CDC42BPA: variants seen among roughly 807,000 people sequenced by gnomAD.
CDC42BPA encodes the protein CDC42 binding protein kinase alpha, also known as serine/threonine-protein kinase MRCK alpha.
A neutral mutation model predicts 223.5 loss-of-function variants in CDC42BPA; 80 were observed. That is an observed-to-expected ratio of 0.36 (90% CI 0.30 to 0.43). CDC42BPA has a LOEUF of 0.43. CDC42BPA is among the 20% of genes least tolerant of loss of function. The pLI, the probability that CDC42BPA is intolerant of heterozygous loss-of-function variation, is 1.00. For synonymous variants in CDC42BPA, 694 were observed against 718.6 expected, an observed-to-expected ratio of 0.97 and a Z score of 0.55; for missense variants, 1,743 against 2,099.9, an observed-to-expected ratio of 0.83 and a Z score of 3.32.
At chr1:227,276,751 G>T (rs1687143828) in intron 1 of CDC42BPA, among the ~76,000 whole-genome samples, 1 of 152,220 alleles carries the variant, frequency 6.6e-6, no homozygotes, top group South Asian at 2.1e-4. Flanking sequence ...TCTGCCTTGG[G>T]ATGCTGTTAA....
chr1:227,087,631 C>T (rs768973177), intron 16 of CDC42BPA, among the ~76,000 whole-genome samples: 3 of 152,120 alleles, frequency 2.0e-5, no homozygotes, highest in Non-Finnish European at 4.4e-5. Flanking sequence ...ATTGCTATCC[C>T]AACAATATTG....
At chr1:227,079,405 T>C (rs949833617) in intron 17 of CDC42BPA, among the ~76,000 whole-genome samples, 1 of 152,142 alleles carries the variant, frequency 6.6e-6, no homozygotes, top group Non-Finnish European at 1.5e-5. Flanking sequence ...GAACTCATCA[T>C]GCCAGACACT....
At chr1:227,302,328 G>C (rs1691778844) in intron 1 of CDC42BPA, among the ~76,000 whole-genome samples, 1 of 152,090 alleles carries the variant, frequency 6.6e-6, no homozygotes, top group Admixed American at 6.5e-5. Flanking sequence ...TAGCCCACAG[G>C]TTACAGAATT....
intron 5 of CDC42BPA, among the ~76,000 whole-genome samples, chr1:227,169,974 T>C (rs1665799604): frequency 6.6e-6 from 1 of 152,220 alleles, no homozygotes. Context: ...TTAAGTTTTA[T>C]GAATACAGAA....
At chr1:227,247,396 G>A (rs538766919) in intron 2 of CDC42BPA, among the ~76,000 whole-genome samples, 1 of 151,752 alleles carries the variant, frequency 6.6e-6, no homozygotes, top group South Asian at 2.1e-4. Flanking sequence ...TCAGAAGGTT[G>A]AGGCAAGAGA....
At chr1:227,174,631 G>A (rs950667124) in intron 5 of CDC42BPA, among the ~76,000 whole-genome samples, 1 of 152,042 alleles carries the variant, frequency 6.6e-6, no homozygotes, top group East Asian at 1.9e-4. Flanking sequence ...ACATTAAAGA[G>A]ATGAGGTTAA....
chr1:227,273,884 C>T (rs1229756051), intron 1 of CDC42BPA, among the ~76,000 whole-genome samples: 4 of 147,164 alleles, frequency 2.7e-5, no homozygotes, highest in African/African-American at 1.0e-4. Flanking sequence ...CACAAATAAC[C>T]CAAAGCTCTT....
chr1:227,117,505 T>C (rs1418479470), intron 12 of CDC42BPA, among the ~76,000 whole-genome samples: 1 of 151,688 alleles, frequency 6.6e-6, no homozygotes, highest in Non-Finnish European at 1.5e-5. Flanking sequence ...AGAGACTGGG[T>C]CTCATTCTGT....
chr1:227,254,200 A>G (rs549414711), intron 1 of CDC42BPA, 45 bp from the exon 2 acceptor site: 2 of 985,228 alleles, frequency 2.0e-6, no homozygotes, highest in Non-Finnish European at 3.1e-6. Context: ...ATAAAATGTG[A>G]TGCAAATTAG....
At chr1:227,171,575 C>T (rs1270981159) in intron 5 of CDC42BPA, among the ~76,000 whole-genome samples, 1 of 152,064 alleles carries the variant, frequency 6.6e-6, no homozygotes, top group Non-Finnish European at 1.5e-5. Context: ...CGTGACGATG[C>T]CACTACACTC....
chr1:227,315,397 G>A (rs1694209367), intron 1 of CDC42BPA, among the ~76,000 whole-genome samples: 1 of 151,946 alleles, frequency 6.6e-6, no homozygotes, highest in African/African-American at 2.4e-5. Context: ...GGAGGATACA[G>A]TTTTCTCTTT....
chr1:227,135,855 C>CAAAAAAAAAAAAAAAAAA (rs1175091904), intron 10 of CDC42BPA, among the ~76,000 whole-genome samples: 2 of 6,578 alleles, frequency 3.0e-4, no homozygotes, highest in Non-Finnish European at 3.4e-4. Context: ...CTCTGTCTCC[C>CAAAAAAAAAAAAAAAAAA]AAAAAAAAAA....
At chr1:227,164,746 A>T (rs1664737574) in intron 5 of CDC42BPA, among the ~76,000 whole-genome samples, 1 of 152,248 alleles carries the variant, frequency 6.6e-6, no homozygotes, top group Admixed American at 6.5e-5. Flanking sequence ...CTAAATTTTT[A>T]AAAATTCAGA....
chr1:227,160,433 T>C (rs1043039297), intron 6 of CDC42BPA, 110 bp downstream of exon 6: 2 of 768,470 alleles, frequency 2.6e-6, no homozygotes, highest in Non-Finnish European at 4.6e-6. Flanking sequence ...GATAGACAAA[T>C]GGATGGATGG....
intron 5 of CDC42BPA, among the ~76,000 whole-genome samples, chr1:227,177,677 C>T (rs987993286): frequency 1.1e-4 from 17 of 152,108 alleles, no homozygotes; most frequent in African/African-American, 3.9e-4. Context: ...TAACACTATG[C>T]AATTTTTTAT....
chr1:227,162,929 C>CAT (rs1485110806), intron 5 of CDC42BPA, among the ~76,000 whole-genome samples: 15 of 147,628 alleles, frequency 1.0e-4, no homozygotes, highest in African/African-American at 3.8e-4. Flanking sequence ...TGTTTCCAAA[C>CAT]ATATGTGTGT....
At chr1:227,092,028 T>A in intron 15 of CDC42BPA, 37 bp from the exon 16 acceptor site, 1 of 1,145,214 alleles carries the variant, frequency 8.7e-7, no homozygotes, top group South Asian at 1.4e-5. Context: ...AAAAGGGGAA[T>A]TAAAGGTCAT....
At chr1:227,229,136 G>A (rs1476445742) in intron 2 of CDC42BPA, among the ~76,000 whole-genome samples, 3 of 152,036 alleles carry the variant, frequency 2.0e-5, no homozygotes, top group Non-Finnish European at 4.4e-5. Context: ...CCTTCTAAGA[G>A]TTTCATAGTT....
intron 12 of CDC42BPA, among the ~76,000 whole-genome samples, chr1:227,116,255 T>C (rs1381914389): frequency 1.3e-5 from 2 of 152,158 alleles, no homozygotes; most frequent in Non-Finnish European, 2.9e-5. Flanking sequence ...TGGCTTAATA[T>C]TAGAAAAAGT....
Sources: gnomAD v4.1 joint callset for allele counts (sites outside exome capture counted in the v4.1 genomes callset) on GRCh38, gnomAD v4.1.1 for gene constraint, MANE v1.5 for transcripts, NCBI Gene and HGNC (gene_info 2026-07-23, HGNC 2026-07-21) for gene names.